The following SCARA3 variants were observed in gnomAD, a reference collection of about 807,000 sequenced individuals.
SCARA3 encodes the protein scavenger receptor class A member 3.
Under a neutral mutation model 47.0 loss-of-function variants are expected in SCARA3, and 39 were observed. The ratio of observed to expected loss-of-function variants is 0.83; its 90% CI spans 0.64 to 1.08. The LOEUF is 1.08. Ranked by LOEUF, SCARA3 falls within the 50% of genes least tolerant of loss-of-function variation. The probability of loss-of-function intolerance (pLI) is 0.00; values close to 1 mark genes in which losing one functional copy is unlikely to be tolerated. For missense variants in SCARA3, 724 were observed against 792.3 expected (o/e 0.91, Z 1.04); for synonymous variants, 356 against 334.1 (o/e 1.07, Z -0.71).
At chr8:27,660,313 A>T (rs1355650214) in intron 5 of SCARA3, among the ~76,000 whole-genome samples, 2 of 152,130 alleles carry the variant, frequency 1.3e-5, no homozygotes, top group Admixed American at 1.3e-4. Flanking sequence ...ATAGAGAGAT[A>T]GACCCAGAGA....
the SCARA3 span, among the ~76,000 whole-genome samples, chr8:27,684,735 C>T: frequency 6.6e-6 from 1 of 150,760 alleles, no homozygotes; most frequent in African/African-American, 2.4e-5. Context: ...CAGTGTTCAA[C>T]TTAAGAAGTT....
In SCARA3 at chr8:27,658,765, AC is replaced by A; in HGVS notation, c.596del (p.Thr199LysfsTer8). 6.2e-7 allele frequency: 1 copy of A among 1,614,032 alleles called. No homozygotes were observed. Among genetic ancestry groups the A allele is most frequent in the Non-Finnish European group, 8.5e-7 (1 of 1,179,942 alleles). ...CCAGGTGAGAGGCTGGCAGGCCACC[AC>A]AGCTGGCCTGGACCTCTCTCTGAAG... ...LAQVRGWQAT[T>X]AGLDLSLKDL... On this transcript the variant is annotated frameshift_variant, in exon 5 of 6. Transcript: ENST00000301904. LOFTEE classifies it high-confidence loss of function.
Position 27,671,286 on chromosome 8 carries a change from G to C in SCARA3, c.1756G>C (p.Gly586Arg). Residue 586 changes from glycine (G) to arginine (R), a missense_variant, in exon 6 of 6, where the codon GGG becomes CGG. By Grantham distance (125) the Gly-to-Arg change is moderately radical (BLOSUM62 -2). Transcript: ENST00000301904. Reference sequence around the variant, plus strand: ...GGCCATGGGGCCTAAGGGTGAACCAGGGATCCAGGGTCCCCCTGGTCTCCC... The same window carrying C: ...GGCCATGGGGCCTAAGGGTGAACCACGGATCCAGGGTCCCCCTGGTCTCCC... ...RGAMGPKGEP[G>R]IQGPPGLPGP... The C allele has an allele frequency of 6.9e-7, 1 of 1,443,554 alleles. No individual in the cohort carries two copies. Among genetic ancestry groups the C allele is most frequent in the South Asian group, 1.5e-5 (1 of 66,838 alleles). The allele number at this position is 1,443,554 out of a possible 1,614,324, so 89.4% of individuals were successfully genotyped here.
At chr8:27,667,257 C>T (rs1037475534) in intron 5 of SCARA3, among the ~76,000 whole-genome samples, 1 of 152,228 alleles carries the variant, frequency 6.6e-6, no homozygotes, top group Non-Finnish European at 1.5e-5. Context: ...GCTGTCAGTC[C>T]TCTGCCCGCA....
At position 27,671,589 on chromosome 8, in the gene SCARA3, C is replaced by A. The variant is rs1364936262; in HGVS notation, c.*238C>A. ...ATGCATGCACACACATGCACACATA[C>A]ACGCACATGCACACATACACATGCA... On this transcript the variant is annotated 3_prime_UTR_variant, in exon 6 of 6. Coordinates refer to ENST00000301904, the MANE Select transcript of SCARA3 (RefSeq NM_016240.3). The A allele has an allele frequency of 8.0e-6, 10 of 1,248,788 alleles. No individual in the cohort carries two copies. Among genetic ancestry groups the A allele is most frequent in the Non-Finnish European group, 1.0e-5 (10 of 999,890 alleles). The allele number at this position is 1,248,788 out of a possible 1,614,324, so 77.4% of individuals were successfully genotyped here.
intron 1 of SCARA3, among the ~76,000 whole-genome samples, chr8:27,636,027 A>G (rs1406607000): frequency 6.6e-6 from 1 of 152,086 alleles, no homozygotes; most frequent in Non-Finnish European, 1.5e-5. Flanking sequence ...GCTCTGCGGG[A>G]TGAGCCAAGC....
At chr8:27,660,491 G>A in intron 5 of SCARA3, among the ~76,000 whole-genome samples, 2 of 150,532 alleles carry the variant, frequency 1.3e-5, no homozygotes, top group African/African-American at 2.5e-5. Context: ...TGATAGAAAT[G>A]GATAGATAGA....
At position 27,659,311 on chromosome 8, in the gene SCARA3, G is replaced by C. The variant is rs774402743; in HGVS notation, c.1141G>C (p.Val381Leu). The change falls in exon 5 of 6, where the codon GTG (valine) becomes CTG (leucine). Residue 381 changes from valine to leucine, a missense_variant. Transcript: ENST00000301904. ...VHSMLKYLDD[V>L]RLSCTLGFHT... ...CAGCATGCTCAAGTACCTGGATGAC[G>C]TGCGGCTCTCCTGCACGCTGGGCTT... is the stretch of plus-strand genomic sequence containing the variant. The C allele has an allele frequency of 1.9e-5, 31 of 1,613,908 alleles. No homozygotes were observed. The highest frequency in any genetic ancestry group is 1.7e-5 in the Non-Finnish European group (20 of 1,180,012).
At chr8:27,699,765 C>A in the SCARA3 span, among the ~76,000 whole-genome samples, 6 of 151,156 alleles carry the variant, frequency 4.0e-5, no homozygotes, top group Non-Finnish European at 8.8e-5. Context: ...CCCAACTCTA[C>A]AAAAAATAAA....
the SCARA3 span, among the ~76,000 whole-genome samples, chr8:27,723,328 A>T: frequency 6.6e-6 from 1 of 152,130 alleles, no homozygotes; most frequent in Non-Finnish European, 1.5e-5. Flanking sequence ...TGGCAGGTGG[A>T]GAAAGTTATC....
In SCARA3 at chr8:27,658,853, G is replaced by A; in HGVS notation, c.683G>A (p.Gly228Glu). Reference sequence around the variant, plus strand: ...GTGCACCAGATCAACTTCACCGTGGGGCAGACTTCCGAGTGGATCCACGGG... The same window carrying A: ...GTGCACCAGATCAACTTCACCGTGGAGCAGACTTCCGAGTGGATCCACGGG... ...AAVHQINFTV[G>E]QTSEWIHGIQ... The change falls in exon 5 of 6, where the codon GGG becomes GAG. Residue 228 changes from glycine (G) to glutamate (E), a missense_variant. Coordinates refer to ENST00000301904, the MANE Select transcript of SCARA3 (RefSeq NM_016240.3). 1 of 1,614,168 alleles carries A rather than the reference G, an allele frequency of 6.2e-7. No individual in the cohort carries two copies. Among genetic ancestry groups the A allele is most frequent in the Non-Finnish European group, 8.5e-7 (1 of 1,180,036 alleles).
At chr8:27,715,658 G>A in the SCARA3 span, among the ~76,000 whole-genome samples, 2 of 152,044 alleles carry the variant, frequency 1.3e-5, no homozygotes, top group Non-Finnish European at 2.9e-5. This position sits in a 1 kb window ranked among gnomAD's most constrained non-coding sequence, Gnocchi z 4.2. Flanking sequence ...GATAGACACA[G>A]ACAGGAACAG....
chr8:27,639,725 T>C (rs1396198112), intron 1 of SCARA3, among the ~76,000 whole-genome samples: 1 of 151,282 alleles, frequency 6.6e-6, no homozygotes, highest in Non-Finnish European at 1.5e-5. Context: ...TTTTAGAGAG[T>C]GGGAGGAAGA....
chr8:27,725,405 T>TTATATC, the SCARA3 span, among the ~76,000 whole-genome samples: 1 of 150,196 alleles, frequency 6.7e-6, no homozygotes, highest in East Asian at 1.9e-4. Flanking sequence ...ATATTTATAT[T>TTATATC]ATCCTTGAAA....
chr8:27,717,577 G>A, the SCARA3 span, among the ~76,000 whole-genome samples: 4 of 152,224 alleles, frequency 2.6e-5, no homozygotes, highest in South Asian at 2.1e-4. Context: ...TTGAGGTCGC[G>A]GGTTCAAGAC....
chr8:27,668,954 C>T (rs529970616), intron 5 of SCARA3, among the ~76,000 whole-genome samples: 31 of 152,120 alleles, frequency 2.0e-4, no homozygotes, highest in Non-Finnish European at 4.1e-4. Context: ...GGTGAGAGGG[C>T]CCCAGCTGTG....
At chr8:27,726,722 C>A in the SCARA3 span, among the ~76,000 whole-genome samples, 2 of 151,138 alleles carry the variant, frequency 1.3e-5, no homozygotes, top group African/African-American at 2.5e-5. Context: ...AAAATAAAAA[C>A]AGTTTATTCT....
intron 2 of SCARA3, among the ~76,000 whole-genome samples, 167 bp from the exon 3 acceptor site, chr8:27,651,341 C>G (rs1447778542): frequency 6.6e-6 from 1 of 152,202 alleles, no homozygotes; most frequent in Non-Finnish European, 1.5e-5. Context: ...GCACCAGCAC[C>G]TAGAGAAAGG....
At chr8:27,675,427 C>CT (rs972570771), downstream of SCARA3, among the ~76,000 whole-genome samples, 1 of 152,192 alleles carries the variant, frequency 6.6e-6, no homozygotes, top group African/African-American at 2.4e-5. Flanking sequence ...AGCACAGGCC[C>CT]TTTGTTTTGC....
Sources: allele counts gnomAD v4.1 joint callset (sites outside exome capture counted in the v4.1 genomes callset), GRCh38; gene constraint gnomAD v4.1.1; non-coding constraint Gnocchi (gnomAD v3.1); transcripts MANE v1.5; gene names NCBI Gene and HGNC (gene_info 2026-07-23, HGNC 2026-07-21).